The following AGBL2 variants were observed in gnomAD, a reference collection of about 807,000 sequenced individuals.
AGBL2 encodes AGBL carboxypeptidase 2.
In AGBL2, 87 loss-of-function variants were observed where a neutral mutation model predicts 103.0. The observed-to-expected ratio is 0.84, with a 90% CI of 0.71 to 1.01. The LOEUF (loss-of-function observed/expected upper bound fraction) is 1.01. Ranked by LOEUF, AGBL2 falls within the 50% of genes least tolerant of loss-of-function variation. The pLI, the probability that AGBL2 is intolerant of heterozygous loss-of-function variation, is 0.00. For missense variants in AGBL2, 904 were observed against 1,023.5 expected (o/e 0.88, Z 1.59); for synonymous variants, 335 against 356.7 (o/e 0.94, Z 0.69).
intron 14 of AGBL2, among the ~76,000 whole-genome samples, chr11:47,669,769 G>A (rs1389594487): frequency 6.6e-6 from 1 of 151,984 alleles, no homozygotes; most frequent in African/African-American, 2.4e-5. Context: ...CCGCCACCAT[G>A]CCCAGCTAAT....
At chr11:47,671,025 ACTAAT>A (rs1328314798) in intron 14 of AGBL2, among the ~76,000 whole-genome samples, 1 of 151,894 alleles carries the variant, frequency 6.6e-6, no homozygotes, top group African/African-American at 2.4e-5. Flanking sequence ...GCTCATCTAG[ACTAAT>A]CTAAAGTCTT....
rs371902809 is a variant in AGBL2 at position 47,661,338 on chromosome 11, A to C, written c.2536-992T>G. ...GCCTTCCAGCAATGAATGCTAAGTGAAGAAAGAGGACAAGCTCATTCTTGA... is the reference window on the plus strand; with the variant it reads ...GCCTTCCAGCAATGAATGCTAAGTGCAGAAAGAGGACAAGCTCATTCTTGA... On this transcript the variant is annotated intron_variant, in intron 18 of 18. Transcript: ENST00000525123. Among the ~76,000 whole-genome samples the C allele has an allele frequency of 4.6e-5, 7 of 152,282 alleles. No individual in the cohort carries two copies. The South Asian group carries it at 1.5e-3, about 32-fold the overall frequency.
chr11:47,669,000 T>G, intron 14 of AGBL2, 93 bp from the exon 15 acceptor site: 1 of 805,306 alleles, frequency 1.2e-6, no homozygotes, highest in Non-Finnish European at 2.1e-6. Context: ...GGGATTAGGA[T>G]TAGGATATCT....
intron 3 of AGBL2, chr11:47,710,780 A>G (rs1440652763): frequency 1.9e-6 from 1 of 525,706 alleles, no homozygotes; most frequent in Non-Finnish European, 3.7e-6. Context: ...TGGCAGGCAG[A>G]AAGATTCTGA....
At chr11:47,710,925 GA>G (rs750650579) in intron 3 of AGBL2, 126 of 346,912 alleles carry the variant, frequency 3.6e-4, no homozygotes, top group South Asian at 5.0e-4. Flanking sequence ...AAAAAAAAAA[GA>G]AAAAAAAAAT....
chr11:47,705,987 C>T, intron 4 of AGBL2, 70 bp from the exon 5 acceptor site: 1 of 1,288,446 alleles, frequency 7.8e-7, no homozygotes, highest in East Asian at 2.3e-5. Flanking sequence ...TCTGCTATCC[C>T]CATCCCTTCT....
At chr11:47,666,323 G>A (rs904423000) in intron 17 of AGBL2, among the ~76,000 whole-genome samples, 17 of 151,526 alleles carry the variant, frequency 1.1e-4, no homozygotes, top group African/African-American at 3.9e-4. Context: ...GAACCCAAGA[G>A]GTGGAAGTTG....
chr11:47,696,909 T>G (rs542132799), intron 8 of AGBL2, among the ~76,000 whole-genome samples: 1 of 152,056 alleles, frequency 6.6e-6, no homozygotes, highest in African/African-American at 2.4e-5. Flanking sequence ...TTCTATTCAA[T>G]GCTTTCCTTT....
At chr11:47,685,333 T>C (rs1388876627) in intron 11 of AGBL2, among the ~76,000 whole-genome samples, 1 of 151,986 alleles carries the variant, frequency 6.6e-6, no homozygotes, top group Non-Finnish European at 1.5e-5. Flanking sequence ...AGGCTGGTCT[T>C]GAACTCCTGG....
intron 14 of AGBL2, among the ~76,000 whole-genome samples, chr11:47,673,793 CAAAAAA>C (rs66460144): frequency 1.2e-4 from 9 of 75,876 alleles, no homozygotes; most frequent in Non-Finnish European, 1.9e-4. Context: ...GACTCCATCT[CAAAAAA>C]AAAAAAAAAA....
intron 4 of AGBL2, among the ~76,000 whole-genome samples, chr11:47,708,099 G>A (rs540363345): frequency 2.6e-4 from 39 of 150,992 alleles, no homozygotes; most frequent in African/African-American, 7.3e-4. Context: ...ATGGAGTCTC[G>A]CTCTGTCACC....
intron 8 of AGBL2, among the ~76,000 whole-genome samples, chr11:47,698,210 G>T (rs1434064321): frequency 2.1e-5 from 2 of 95,026 alleles, no homozygotes; most frequent in Admixed American, 3.0e-4. Flanking sequence ...TTTCACTCTT[G>T]TTGCCCAGGC....
chr11:47,671,071 C>T (rs1209594124), intron 14 of AGBL2, among the ~76,000 whole-genome samples: 2 of 152,052 alleles, frequency 1.3e-5, no homozygotes, highest in African/African-American at 4.8e-5. Flanking sequence ...CCCCTTTCTG[C>T]AAGGGCTAGG....
intron 11 of AGBL2, among the ~76,000 whole-genome samples, chr11:47,684,981 C>T (rs937408123): frequency 6.6e-6 from 1 of 152,068 alleles, no homozygotes; most frequent in South Asian, 2.1e-4. Flanking sequence ...CCGGGGCAGG[C>T]GGATCACTTG....
At chr11:47,681,377 CA>C (rs11365719) in intron 12 of AGBL2, among the ~76,000 whole-genome samples, 3,603 of 152,084 alleles carry the variant, frequency 0.024, 137 homozygotes, top group African/African-American at 0.077. Flanking sequence ...AAATGAAGTT[CA>C]AAAAGGCCAG....
At chr11:47,683,770 CAA>C (rs1221104232) in intron 11 of AGBL2, among the ~76,000 whole-genome samples, 4 of 127,560 alleles carry the variant, frequency 3.1e-5, no homozygotes, top group East Asian at 2.3e-4. Flanking sequence ...GACTCCATCT[CAA>C]AAAAAAAAAA....
At chr11:47,694,602 A>T (rs1565065496) in intron 8 of AGBL2, among the ~76,000 whole-genome samples, 1 of 152,146 alleles carries the variant, frequency 6.6e-6, no homozygotes, top group Admixed American at 6.6e-5. Flanking sequence ...TTAAAATTTG[A>T]TAGATGCAGA....
intron 10 of AGBL2, among the ~76,000 whole-genome samples, chr11:47,687,351 T>C (rs922956254): frequency 1.1e-4 from 16 of 151,906 alleles, no homozygotes; most frequent in African/African-American, 3.4e-4. Context: ...CAGTATTATA[T>C]GTTTTGTCCT....
chr11:47,663,220 G>C, intron 17 of AGBL2, 108 bp from the exon 18 acceptor site: 1 of 705,934 alleles, frequency 1.4e-6, no homozygotes. Context: ...GATTCATTGT[G>C]ATATTCCCAC....
Sources: gnomAD v4.1 joint callset for allele counts (sites outside exome capture counted in the v4.1 genomes callset) on GRCh38, gnomAD v4.1.1 for gene constraint, MANE v1.5 for transcripts, NCBI Gene and HGNC (gene_info 2026-07-23, HGNC 2026-07-21) for gene names.